ROBO1: variants seen among roughly 807,000 people sequenced by gnomAD.
ROBO1 encodes roundabout guidance receptor 1.
ROBO1 carries 149 observed loss-of-function variants against 195.9 expected under a neutral mutation model. That is an observed-to-expected ratio of 0.76 (90% CI 0.67 to 0.87). ROBO1 has a LOEUF of 0.87. Ranked by LOEUF, ROBO1 falls within the 40% of genes least tolerant of loss-of-function variation. The pLI is 0.00. For missense variants in ROBO1, 1,933 were observed against 2,068.3 expected (o/e 0.93, Z 1.27); for synonymous variants, 816 against 733.2 (o/e 1.11, Z -1.82).
chr3:79,585,944 G>A (rs187021416), intron 2 of ROBO1, among the ~76,000 whole-genome samples: 18 of 149,800 alleles, frequency 1.2e-4, no homozygotes, highest in Admixed American at 6.7e-4. Flanking sequence ...ATGATTCTTC[G>A]CCATAGAAAC....
chr3:79,604,010 T>A (rs571071191), intron 1 of ROBO1, among the ~76,000 whole-genome samples: 2 of 152,178 alleles, frequency 1.3e-5, no homozygotes, highest in African/African-American at 4.8e-5. Context: ...ACACAACAGG[T>A]ACTCTCACGC....
rs113890120 is a variant in ROBO1 at position 79,141,188 on chromosome 3, T to A, written c.89-15649A>T. The stretch of plus-strand genomic sequence containing the variant: ...TGGGGGACATCTGAAGCATCTGCAG[T>A]TTGGGCCCAGATCATGTGACGACTG... On this transcript the variant is annotated intron_variant, in intron 2 of 30. Transcript: ENST00000464233. Among the ~76,000 whole-genome samples the A allele has an allele frequency of 5.9e-5, 9 of 152,130 alleles. 1 individual carries two copies. Among genetic ancestry groups the A allele is most frequent in the African/African-American group, 2.2e-4 (9 of 41,510 alleles).
chr3:78,966,435 G>A (rs2076647410), intron 3 of ROBO1, among the ~76,000 whole-genome samples: 1 of 152,178 alleles, frequency 6.6e-6, no homozygotes, highest in Non-Finnish European at 1.5e-5. Flanking sequence ...CGACGAGAGA[G>A]GTCGGGACTG....
At chr3:78,930,535 T>C (rs2039457741) in intron 4 of ROBO1, among the ~76,000 whole-genome samples, 1 of 152,144 alleles carries the variant, frequency 6.6e-6, no homozygotes, top group Non-Finnish European at 1.5e-5. Context: ...GGATGAAGCA[T>C]ACCAAACCGC....
At chr3:78,674,517 A>G (rs931492887) in intron 10 of ROBO1, among the ~76,000 whole-genome samples, 14 of 152,240 alleles carry the variant, frequency 9.2e-5, no homozygotes, top group African/African-American at 3.4e-4. Flanking sequence ...AAATAAAGCA[A>G]ACAAAACTTA....
intron 2 of ROBO1, among the ~76,000 whole-genome samples, chr3:79,563,284 T>G (rs1208847902): frequency 6.6e-6 from 1 of 152,106 alleles, no homozygotes; most frequent in Non-Finnish European, 1.5e-5. Context: ...ATGATGCAGA[T>G]AATTAAATCA....
At chr3:78,922,017 A>G (rs1262324384) in intron 4 of ROBO1, among the ~76,000 whole-genome samples, 1 of 152,052 alleles carries the variant, frequency 6.6e-6, no homozygotes, top group Non-Finnish European at 1.5e-5. Context: ...CTTATTTAGT[A>G]GATCATGAGG....
chr3:79,431,847 CTTT>C (rs1393003288), intron 2 of ROBO1, among the ~76,000 whole-genome samples: 1 of 152,036 alleles, frequency 6.6e-6, no homozygotes, highest in Non-Finnish European at 1.5e-5. Context: ...TCCAGCAAAA[CTTT>C]ATTAGCTAAA....
intron 1 of ROBO1, among the ~76,000 whole-genome samples, chr3:79,656,475 G>A (rs1384184765): frequency 6.6e-6 from 1 of 151,854 alleles, no homozygotes; most frequent in Non-Finnish European, 1.5e-5. Flanking sequence ...TAAAATAATA[G>A]TATACTTTAT....
chr3:78,809,264 G>A (rs2084650889), intron 4 of ROBO1, among the ~76,000 whole-genome samples: 1 of 152,114 alleles, frequency 6.6e-6, no homozygotes, highest in Non-Finnish European at 1.5e-5. Context: ...CTGGTCATTA[G>A]AGAAACGCAA....
At chr3:79,484,611 T>C (rs1939051066) in intron 2 of ROBO1, among the ~76,000 whole-genome samples, 1 of 151,970 alleles carries the variant, frequency 6.6e-6, no homozygotes, top group African/African-American at 2.4e-5. Context: ...ATTTGGTATG[T>C]TGTCTGCTGC....
At chr3:79,583,542 A>C (rs1943725231) in intron 2 of ROBO1, among the ~76,000 whole-genome samples, 1 of 151,976 alleles carries the variant, frequency 6.6e-6, no homozygotes, top group African/African-American at 2.4e-5. Flanking sequence ...AAATGATGAG[A>C]TCATAAAGAA....
At chr3:79,263,271 C>A (rs991702211) in intron 2 of ROBO1, among the ~76,000 whole-genome samples, 2 of 152,172 alleles carry the variant, frequency 1.3e-5, no homozygotes, top group African/African-American at 4.8e-5. Flanking sequence ...TTTCATCTTT[C>A]TTTCTGTTAC....
At chr3:78,681,066 A>C (rs1356856009) in intron 10 of ROBO1, among the ~76,000 whole-genome samples, 5 of 150,976 alleles carry the variant, frequency 3.3e-5, no homozygotes, top group African/African-American at 1.2e-4. Flanking sequence ...CATCATTCTC[A>C]GTAAACTATC....
chr3:79,511,349 CTACT>C (rs1202576922), intron 2 of ROBO1, among the ~76,000 whole-genome samples: 2 of 152,122 alleles, frequency 1.3e-5, no homozygotes, highest in Admixed American at 1.3e-4. Flanking sequence ...ATAAGATACT[CTACT>C]CACTCAAGGA....
chr3:78,723,504 A>G (rs540309996), intron 5 of ROBO1, among the ~76,000 whole-genome samples: 2 of 152,218 alleles, frequency 1.3e-5, no homozygotes, highest in Admixed American at 6.5e-5. Context: ...TTGACACAGC[A>G]TAAGACTTAG....
At chr3:79,629,811 T>TAATATCACATATTA (rs1478739857) in intron 1 of ROBO1, among the ~76,000 whole-genome samples, 1 of 151,986 alleles carries the variant, frequency 6.6e-6, no homozygotes, top group Non-Finnish European at 1.5e-5. Flanking sequence ...AAAAGTGATA[T>TAATATCACATATTA]TAAGACTGAT....
At chr3:78,771,478 C>T (rs2083374470) in intron 4 of ROBO1, among the ~76,000 whole-genome samples, 1 of 152,140 alleles carries the variant, frequency 6.6e-6, no homozygotes, top group Middle Eastern at 3.2e-3. Flanking sequence ...CTGTACATTG[C>T]TTTGGGGCAG....
At chr3:79,478,058 T>G (rs1201958814) in intron 2 of ROBO1, among the ~76,000 whole-genome samples, 2 of 152,194 alleles carry the variant, frequency 1.3e-5, no homozygotes, top group African/African-American at 4.8e-5. Context: ...TTACCCTTTA[T>G]GCTACAGAGA....
Sources: gnomAD v4.1 joint callset for allele counts (sites outside exome capture counted in the v4.1 genomes callset) on GRCh38, gnomAD v4.1.1 for gene constraint, MANE v1.5 for transcripts, NCBI Gene and HGNC (gene_info 2026-07-23, HGNC 2026-07-21) for gene names.